CCDC3: variants seen among roughly 807,000 people sequenced by gnomAD.
CCDC3 encodes coiled-coil domain containing 3.
CCDC3 carries 24 observed loss-of-function variants against 21.4 expected under a neutral mutation model. That is an observed-to-expected ratio of 1.12 (90% CI 0.81 to 1.58). The LOEUF (loss-of-function observed/expected upper bound fraction) is 1.58, where lower values mean the gene tolerates loss of function less well. Ranked by LOEUF, CCDC3 falls within the 40% of genes most tolerant of loss-of-function variation. CCDC3 has a pLI of 0.00. For synonymous variants in CCDC3, 186 were observed against 166.0 expected (o/e 1.12, Z -0.93); for missense variants, 425 against 360.9 (o/e 1.18, Z -1.44).
At chr10:12,978,019 C>CT (rs532349051) in intron 2 of CCDC3, among the ~76,000 whole-genome samples, 4,830 of 143,932 alleles carry the variant, frequency 0.034, 201 homozygotes, top group African/African-American at 0.098. Flanking sequence ...TTTCCACACT[C>CT]TTTTTTTTTT....
intron 5 of CCDC3, among the ~76,000 whole-genome samples, chr10:13,028,324 C>G (rs1236610542): frequency 1.3e-5 from 2 of 152,176 alleles, no homozygotes; most frequent in East Asian, 3.8e-4. Context: ...CACCTTCTGA[C>G]ATGATTGTGA....
chr10:12,998,287 G>A, intron 2 of CCDC3, 51 bp downstream of exon 2: 1 of 1,574,102 alleles, frequency 6.4e-7, no homozygotes, highest in South Asian at 1.2e-5. Context: ...TTCACACAAG[G>A]TGTAGCTATA....
chr10:13,098,710 A>ATTCTTTTTTT (rs1832666732), intron 2 of CCDC3: 1 of 64,854 alleles, frequency 1.5e-5, no homozygotes, highest in Non-Finnish European at 2.7e-5. Flanking sequence ...TCCTGCACTG[A>ATTCTTTTTTT]TTTTTTTTTT....
At chr10:13,024,960 G>T (rs1275749429) in intron 5 of CCDC3, among the ~76,000 whole-genome samples, 1 of 152,024 alleles carries the variant, frequency 6.6e-6, no homozygotes, top group African/African-American at 2.4e-5. Flanking sequence ...CATTCCTTCT[G>T]CCAGACTCAA....
At chr10:13,038,105 G>C (rs934669138) in intron 5 of CCDC3, among the ~76,000 whole-genome samples, 2 of 152,108 alleles carry the variant, frequency 1.3e-5, no homozygotes, top group African/African-American at 4.8e-5. Context: ...AACTAATGAG[G>C]AACAGAAAAC....
intron 2 of CCDC3, among the ~76,000 whole-genome samples, chr10:12,970,587 A>G (rs1323463762): frequency 6.6e-6 from 1 of 152,226 alleles, no homozygotes; most frequent in African/African-American, 2.4e-5. Context: ...ATAAATTAAA[A>G]GTCAGTCTGG....
chr10:12,997,127 C>T (rs956855143), intron 2 of CCDC3, among the ~76,000 whole-genome samples: 37 of 151,998 alleles, frequency 2.4e-4, no homozygotes, highest in African/African-American at 6.3e-4. Context: ...TTCGGAAGAA[C>T]AAGGCAGCTA....
At chr10:12,976,977 C>T (rs889841744) in intron 2 of CCDC3, among the ~76,000 whole-genome samples, 18 of 152,268 alleles carry the variant, frequency 1.2e-4, no homozygotes, top group Non-Finnish European at 1.6e-4. Flanking sequence ...GTCCCCCACT[C>T]GAAAGTGTCT....
chr10:13,009,330 G>A (rs1044540830), intron 5 of CCDC3, among the ~76,000 whole-genome samples: 1 of 152,142 alleles, frequency 6.6e-6, no homozygotes, highest in Admixed American at 6.5e-5. Flanking sequence ...ATATTGTTAA[G>A]ATGTTCATTC....
Position 12,898,389 on chromosome 10 carries a change from C to T in CCDC3, c.*27G>A, listed in dbSNP as rs201381368. 9.0e-4 allele frequency: 1,405 copies of T among 1,567,852 alleles called. 10 individuals are homozygous for T. In the African/African-American group the frequency reaches 0.017, roughly 19 times the overall value. On this transcript the variant is annotated 3_prime_UTR_variant, in exon 3 of 3. Coordinates refer to ENST00000378825, the MANE Select transcript of CCDC3 (RefSeq NM_031455.4). ...TTCTCAATTACCGTCAGGATTGGCC[C>T]TGCACACCTGGCAGCCCCCAGGCCC...
chr10:12,967,429 G>A (rs1353895568), intron 2 of CCDC3, among the ~76,000 whole-genome samples: 1 of 151,980 alleles, frequency 6.6e-6, no homozygotes, highest in Non-Finnish European at 1.5e-5. Flanking sequence ...ATCCCAATGA[G>A]TCAGGAAAAT....
At chr10:13,078,792 T>C (rs947013232) in intron 3 of CCDC3, among the ~76,000 whole-genome samples, 5 of 146,220 alleles carry the variant, frequency 3.4e-5, no homozygotes, top group Non-Finnish European at 5.9e-5. Flanking sequence ...TTCTCACTCA[T>C]AGGTGGGAAC....
At chr10:12,959,489 A>G (rs2131255456) in intron 2 of CCDC3, among the ~76,000 whole-genome samples, 1 of 152,260 alleles carries the variant, frequency 6.6e-6, no homozygotes, top group East Asian at 1.9e-4. Context: ...AAGTTTAGAA[A>G]TATACTTCAT....
At chr10:12,995,609 A>G (rs1835749150) in intron 2 of CCDC3, among the ~76,000 whole-genome samples, 1 of 152,176 alleles carries the variant, frequency 6.6e-6, no homozygotes, top group South Asian at 2.1e-4. Context: ...TAAAAACGGC[A>G]CAAGCAGAGG....
intron 2 of CCDC3, among the ~76,000 whole-genome samples, chr10:12,956,009 T>G (rs777167431): frequency 2.0e-5 from 3 of 151,814 alleles, no homozygotes; most frequent in Non-Finnish European, 4.4e-5. Context: ...TGCCCAGCCC[T>G]AAATAATTTT....
chr10:12,908,612 C>CTTTTTTT (rs764071462), intron 2 of CCDC3, among the ~76,000 whole-genome samples: 3 of 139,334 alleles, frequency 2.2e-5, no homozygotes, highest in Admixed American at 7.1e-5. Flanking sequence ...TGTGATTTTT[C>CTTTTTTT]TTTTTTTTTT....
intron 2 of CCDC3, among the ~76,000 whole-genome samples, chr10:12,908,900 G>C (rs1215711570): frequency 6.6e-6 from 1 of 152,136 alleles, no homozygotes; most frequent in Non-Finnish European, 1.5e-5. Context: ...CCAGAACTGT[G>C]ATTTCTTAAT....
chr10:12,978,393 T>C (rs891239618), intron 2 of CCDC3, among the ~76,000 whole-genome samples: 1 of 152,248 alleles, frequency 6.6e-6, no homozygotes, highest in African/African-American at 2.4e-5. Context: ...CAAATGTACA[T>C]GTTCACAGAA....
chr10:12,995,160 A>C (rs1471525390), intron 2 of CCDC3, among the ~76,000 whole-genome samples: 3 of 152,162 alleles, frequency 2.0e-5, no homozygotes, highest in African/African-American at 7.2e-5. Context: ...ATGTAAAAAT[A>C]TCTTAGGGAG....
Sources: allele counts gnomAD v4.1 joint callset (sites outside exome capture counted in the v4.1 genomes callset), GRCh38; gene constraint gnomAD v4.1.1; transcripts MANE v1.5; gene names NCBI Gene and HGNC (gene_info 2026-07-23, HGNC 2026-07-21).